CSMD3: variants seen among roughly 807,000 people sequenced by gnomAD.
CSMD3 encodes CUB and Sushi multiple domains 3, also known as CUB and sushi domain-containing protein 3.
A neutral mutation model predicts 435.2 loss-of-function variants in CSMD3; 177 were observed. The ratio of observed to expected loss-of-function variants is 0.41; its 90% confidence interval spans 0.36 to 0.46. The LOEUF is 0.46. CSMD3 is among the 20% of genes least tolerant of loss of function. CSMD3 has a pLI of 0.34. For missense variants in CSMD3, 4,265 were observed against 4,504.6 expected (o/e 0.95, Z 1.52); for synonymous variants, 1,656 against 1,520.5 (o/e 1.09, Z -2.07).
intron 13 of CSMD3, among the ~76,000 whole-genome samples, chr8:112,776,930 C>G (rs2078261531): frequency 6.6e-6 from 1 of 151,552 alleles, no homozygotes; most frequent in Admixed American, 6.6e-5. Flanking sequence ...TATTGACCTC[C>G]CAACCTCTGC....
chr8:112,597,348 C>T (rs1293528860), intron 22 of CSMD3, among the ~76,000 whole-genome samples: 1 of 151,382 alleles, frequency 6.6e-6, no homozygotes, highest in Non-Finnish European at 1.5e-5. Context: ...AGACCAATAA[C>T]AGGAGCTGAA....
intron 16 of CSMD3, among the ~76,000 whole-genome samples, chr8:112,674,205 C>G (rs2075721621): frequency 6.6e-6 from 1 of 152,132 alleles, no homozygotes; most frequent in South Asian, 2.1e-4. Context: ...TACTTCAGCA[C>G]TTGGAGTAGA....
intron 1 of CSMD3, among the ~76,000 whole-genome samples, chr8:113,359,847 C>T (rs1159311714): frequency 6.6e-6 from 1 of 152,104 alleles, no homozygotes; most frequent in Non-Finnish European, 1.5e-5. Context: ...TGGGATACAA[C>T]CTACTTATAA....
chr8:113,248,356 A>G (rs1316021426), intron 3 of CSMD3, among the ~76,000 whole-genome samples: 1 of 150,532 alleles, frequency 6.6e-6, no homozygotes, highest in African/African-American at 2.4e-5. Context: ...TATTGTATAT[A>G]ACACATACAA....
At position 112,555,894 on chromosome 8, in the gene CSMD3, C is replaced by T. The variant is rs766928113; in HGVS notation, c.4234+869G>A. ...TGTATATCAATTATACCTCAGTACACCTTCTAAAAATAAAAGATTTGAGTC... is the reference window on the plus strand; with the variant it reads ...TGTATATCAATTATACCTCAGTACATCTTCTAAAAATAAAAGATTTGAGTC... On this transcript the variant is annotated intron_variant, in intron 25 of 70. Transcript: ENST00000297405. Among the ~76,000 whole-genome samples, 6 of 151,858 alleles carry T rather than the reference C, an allele frequency of 4.0e-5. 1 individual carries two copies. The highest frequency in any genetic ancestry group is 7.4e-5 in the Non-Finnish European group (5 of 67,924).
rs2075090958 is a variant in CSMD3 at position 112,650,263 on chromosome 8, T to C, written c.3091A>G (p.Thr1031Ala). Residue 1031 changes from threonine (T) to alanine (A), a missense_variant, in exon 19 of 71, where the codon ACT (threonine) becomes GCT (alanine). Physicochemically the swap from Thr to Ala is moderately conservative, Grantham distance 58. This residue lies in a region of CSMD3 where 3,255 missense variants were observed against 3,380.2 expected (regional missense o/e 0.96). Transcript: ENST00000297405. Reference sequence around the variant, plus strand: ...CCTGAATCACAACTAAATGAAACAGTAGAGCCAATGGAGAAATCATGACCA... The same window carrying C: ...CCTGAATCACAACTAAATGAAACAGCAGAGCCAATGGAGAAATCATGACCA... The part of the protein sequence containing the change: ...RYGHDFSIGS[T>A]VSFSCDSGYR... 1.2e-6 allele frequency: 2 copies of C among 1,613,576 alleles called. No individual in the cohort carries two copies. Among genetic ancestry groups the C allele is most frequent in the South Asian group, 2.2e-5 (2 of 91,068 alleles).
chr8:112,525,784 GTATATATATATGTATATA>G (rs1207682594), intron 27 of CSMD3, among the ~76,000 whole-genome samples: 3 of 129,466 alleles, frequency 2.3e-5, no homozygotes, highest in Admixed American at 8.0e-5. Flanking sequence ...ATATGTGTGT[GTATATATATATGTATATA>G]TATATATACA....
intron 2 of CSMD3, among the ~76,000 whole-genome samples, chr8:113,286,979 A>G (rs2093651380): frequency 6.6e-6 from 1 of 151,772 alleles, no homozygotes; most frequent in Admixed American, 6.6e-5. Context: ...AGAGAGAGAG[A>G]TTTATTTAAA....
rs1203500921 is a variant in CSMD3, at chr8:112,859,251, G to C, written c.1649C>G (p.Ser550Cys). ...RPVCKVKTCGSNLQGPSGTFT... is the reference protein window; with the variant it reads ...RPVCKVKTCGCNLQGPSGTFT... ...GGTACCACTTGGTCCTTGAAGATTA[G>C]AGCCACACGTTTTCACTAAAAGAGA... The change falls in exon 11 of 71, where the codon TCT becomes TGT. Residue 550 changes from serine (S) to cysteine (C), a missense_variant. By Grantham distance (112) the Ser-to-Cys change is moderately radical (BLOSUM62 -1). Coordinates refer to ENST00000297405, the MANE Select transcript of CSMD3 (RefSeq NM_198123.2). The C allele has an allele frequency of 4.3e-6, 7 of 1,611,116 alleles. No individual in the cohort carries two copies.
chr8:112,320,633 T>G, intron 45 of CSMD3, among the ~76,000 whole-genome samples: 2 of 133,656 alleles, frequency 1.5e-5, no homozygotes, highest in African/African-American at 2.7e-5. Flanking sequence ...ATGCTATCCC[T>G]CCCCCCTCCC....
chr8:112,390,193 A>T (rs991229168), intron 36 of CSMD3, among the ~76,000 whole-genome samples: 4 of 152,194 alleles, frequency 2.6e-5, no homozygotes, highest in Non-Finnish European at 5.9e-5. Flanking sequence ...TTTCCTGAAA[A>T]GTTTTCTTAA....
chr8:113,075,334 G>T (rs562483917), intron 5 of CSMD3, among the ~76,000 whole-genome samples: 1 of 151,752 alleles, frequency 6.6e-6, no homozygotes, highest in East Asian at 1.9e-4. Context: ...CATTTATTTG[G>T]GGGGAAAGCA....
intron 1 of CSMD3, among the ~76,000 whole-genome samples, chr8:113,414,315 GA>G (rs1479786816): frequency 1.3e-5 from 2 of 152,120 alleles, no homozygotes; most frequent in African/African-American, 4.8e-5. Flanking sequence ...ATTTTGGTAA[GA>G]ATAGCTTTCA....
intron 32 of CSMD3, among the ~76,000 whole-genome samples, chr8:112,430,621 T>C (rs1427479507): frequency 6.6e-6 from 1 of 152,000 alleles, no homozygotes; most frequent in African/African-American, 2.4e-5. Flanking sequence ...AAAGAACACT[T>C]ATGAACTAGA....
intron 6 of CSMD3, among the ~76,000 whole-genome samples, chr8:113,010,660 G>T (rs1288478268): frequency 6.6e-6 from 1 of 151,482 alleles, no homozygotes; most frequent in Non-Finnish European, 1.5e-5. Context: ...ATAACATGAG[G>T]CTATTATAAT....
intron 1 of CSMD3, chr8:113,376,873 A>C (rs1475333523): frequency 1.2e-6 from 2 of 1,609,846 alleles, no homozygotes; most frequent in Non-Finnish European, 1.7e-6. Context: ...GATGATCTGG[A>C]AGATGAAGCT....
intron 27 of CSMD3, among the ~76,000 whole-genome samples, chr8:112,518,427 G>A (rs891370979): frequency 6.6e-6 from 1 of 152,052 alleles, no homozygotes. Context: ...AGGACAGCTT[G>A]AGCCTAGGAG....
intron 70 of CSMD3, among the ~76,000 whole-genome samples, 199 bp from the exon 71 acceptor site, chr8:112,225,129 C>T (rs1015757426): frequency 6.6e-6 from 1 of 151,980 alleles, no homozygotes; most frequent in African/African-American, 2.4e-5. Flanking sequence ...ACATATATTA[C>T]ATATTTATGT....
intron 37 of CSMD3, among the ~76,000 whole-genome samples, chr8:112,382,064 A>G (rs1247720534): frequency 6.6e-6 from 1 of 152,094 alleles, no homozygotes; most frequent in Non-Finnish European, 1.5e-5. Flanking sequence ...GGATCTCTTG[A>G]GGCCATGAGT....
Sources: gnomAD v4.1 joint callset for allele counts (sites outside exome capture counted in the v4.1 genomes callset) on GRCh38, gnomAD v4.1.1 for gene constraint, gnomAD v4.1.1 regional missense constraint, MANE v1.5 for transcripts, NCBI Gene and HGNC (gene_info 2026-07-23, HGNC 2026-07-21) for gene names.